MAGI1: variants seen among roughly 807,000 people sequenced by gnomAD.
MAGI1 encodes membrane associated guanylate kinase, WW and PDZ domain containing 1.
In MAGI1, 58 loss-of-function variants were observed where a neutral mutation model predicts 139.9. The ratio of observed to expected loss-of-function variants is 0.41; its 90% CI spans 0.34 to 0.52. The LOEUF is 0.52. MAGI1 is among the 20% of genes least tolerant of loss of function. The pLI is 0.12. For missense variants in MAGI1, 1,874 were observed against 1,901.6 expected (o/e 0.99, Z 0.27); for synonymous variants, 812 against 737.9 (o/e 1.10, Z -1.63).
chr3:65,758,670 C>T (rs984441909), intron 1 of MAGI1, among the ~76,000 whole-genome samples: 5 of 152,048 alleles, frequency 3.3e-5, no homozygotes, highest in Admixed American at 3.3e-4. Flanking sequence ...TGGGTAGAGA[C>T]CAGGGATACT....
At chr3:65,922,152 C>CT (rs929751627) in intron 1 of MAGI1, among the ~76,000 whole-genome samples, 6 of 152,028 alleles carry the variant, frequency 3.9e-5, no homozygotes, top group African/African-American at 1.5e-4. Flanking sequence ...AACAGAGACT[C>CT]TAAGAGATGA....
intron 2 of MAGI1, among the ~76,000 whole-genome samples, chr3:65,516,052 A>G (rs1361073915): frequency 6.6e-6 from 1 of 152,218 alleles, no homozygotes; most frequent in Non-Finnish European, 1.5e-5. Flanking sequence ...AAAAAGTGTA[A>G]TAATAAGCTG....
intron 1 of MAGI1, among the ~76,000 whole-genome samples, chr3:65,717,138 A>AAT (rs1196832292): frequency 6.6e-6 from 1 of 152,196 alleles, no homozygotes; most frequent in Non-Finnish European, 1.5e-5. Flanking sequence ...TAGTCAGAGA[A>AAT]ATATATATGA....
chr3:66,007,076 A>G (rs533313235), intron 1 of MAGI1, among the ~76,000 whole-genome samples: 1 of 152,174 alleles, frequency 6.6e-6, no homozygotes, highest in South Asian at 2.1e-4. Flanking sequence ...CCTGGCTTCA[A>G]GCAATTCTCC....
At chr3:66,032,222 CT>C (rs67085769) in intron 1 of MAGI1, among the ~76,000 whole-genome samples, 75,988 of 151,210 alleles carry the variant, frequency 0.5, 20,067 homozygotes, top group East Asian at 0.75. Flanking sequence ...TTTGCTGGGT[CT>C]TTTTTTTGAG....
chr3:65,383,273 T>TG (rs1247933053), intron 15 of MAGI1, among the ~76,000 whole-genome samples: 2 of 152,110 alleles, frequency 1.3e-5, no homozygotes, highest in African/African-American at 4.8e-5. Context: ...TCATCTCCCT[T>TG]GGGGGAAAAG....
At chr3:65,972,901 G>A (rs1560069663) in intron 1 of MAGI1, among the ~76,000 whole-genome samples, 1 of 152,172 alleles carries the variant, frequency 6.6e-6, no homozygotes, top group African/African-American at 2.4e-5. Flanking sequence ...TCCTATGAAA[G>A]CCAGAGCCAA....
At chr3:65,528,028 A>G (rs1487037425) in intron 2 of MAGI1, among the ~76,000 whole-genome samples, 1 of 152,160 alleles carries the variant, frequency 6.6e-6, no homozygotes, top group Non-Finnish European at 1.5e-5. Context: ...ATTTTTACAG[A>G]CTGCTTTTTT....
chr3:65,668,066 C>G (rs1391073995), intron 1 of MAGI1, among the ~76,000 whole-genome samples: 1 of 152,162 alleles, frequency 6.6e-6, no homozygotes. Context: ...AGACCATGAA[C>G]TCCAAACCCA....
chr3:65,510,875 A>G lies in MAGI1; in HGVS notation c.431-17244T>C, dbSNP rs1246813197. ...TGTCAGATTCACCAAAGTTCAAATG[A>G]AGGAAAAAATGTTAAGGGCAGCCAG... On this transcript the variant is annotated intron_variant, in intron 2 of 22. Transcript: ENST00000402939. Among the ~76,000 whole-genome samples, 18 of 149,324 alleles carry G rather than the reference A, an allele frequency of 1.2e-4. No individual in the cohort carries two copies. In the East Asian group the frequency reaches 3.2e-3, roughly 26 times the overall value.
intron 1 of MAGI1, among the ~76,000 whole-genome samples, chr3:66,013,347 G>C (rs1245646036): frequency 4.1e-5 from 6 of 147,272 alleles, no homozygotes; most frequent in Admixed American, 7.0e-5. Context: ...AGGTTGCAGT[G>C]AGCAAAGATT....
chr3:65,518,709 A>C (rs2078011389), intron 2 of MAGI1, among the ~76,000 whole-genome samples: 1 of 152,232 alleles, frequency 6.6e-6, no homozygotes, highest in African/African-American at 2.4e-5. Flanking sequence ...CTATGGTTTC[A>C]GCAAATATGT....
intron 5 of MAGI1, among the ~76,000 whole-genome samples, chr3:65,460,268 A>G (rs1949683190): frequency 6.6e-6 from 1 of 152,332 alleles, no homozygotes; most frequent in East Asian, 1.9e-4. Context: ...ATTGCTGATT[A>G]CTACTTACTA....
intron 1 of MAGI1, among the ~76,000 whole-genome samples, chr3:65,786,364 T>C (rs2039380492): frequency 6.8e-6 from 1 of 147,830 alleles, no homozygotes; most frequent in Non-Finnish European, 1.5e-5. Context: ...TGGCATGCAA[T>C]GACATGATCA....
chr3:65,887,804 C>T (rs961360706), intron 1 of MAGI1, among the ~76,000 whole-genome samples: 2 of 152,092 alleles, frequency 1.3e-5, no homozygotes, highest in African/African-American at 2.4e-5. Flanking sequence ...TGGTACATTG[C>T]CCATTATCTC....
chr3:65,785,523 T>C (rs183247043), intron 1 of MAGI1, among the ~76,000 whole-genome samples: 195 of 152,320 alleles, frequency 1.3e-3, no homozygotes, highest in African/African-American at 4.4e-3. Flanking sequence ...TTCCTTCACT[T>C]CTTGTCATAC....
intron 2 of MAGI1, among the ~76,000 whole-genome samples, chr3:65,581,175 C>A (rs1300491943): frequency 6.6e-6 from 1 of 152,152 alleles, no homozygotes; most frequent in African/African-American, 2.4e-5. Flanking sequence ...CTGAGAGGCA[C>A]ACTCTATATC....
At chr3:65,894,579 TAATTGAGGATTCGTGTAAGAAAAGAGA>T (rs2060894566) in intron 1 of MAGI1, among the ~76,000 whole-genome samples, 1 of 152,252 alleles carries the variant, frequency 6.6e-6, no homozygotes, top group Non-Finnish European at 1.5e-5. Context: ...TTTGTTGTTG[TAATTGAGGATTCGTGTAAGAAAAGAGA>T]AATACAATAC....
chr3:65,532,502 G>A (rs2107855659), intron 2 of MAGI1, among the ~76,000 whole-genome samples: 1 of 152,292 alleles, frequency 6.6e-6, no homozygotes, highest in Non-Finnish European at 1.5e-5. Context: ...TCTATCAATG[G>A]GATCTAAGCA....
Sources: allele counts gnomAD v4.1 joint callset (sites outside exome capture counted in the v4.1 genomes callset), GRCh38; gene constraint gnomAD v4.1.1; transcripts MANE v1.5; gene names NCBI Gene and HGNC (gene_info 2026-07-23, HGNC 2026-07-21).